The following TMTC1 variants were observed in gnomAD, a reference collection of about 807,000 sequenced individuals.
TMTC1 encodes the protein protein O-mannosyl-transferase TMTC1.
In TMTC1, 73 loss-of-function variants were observed where a neutral mutation model predicts 104.8. That is an observed-to-expected ratio of 0.70 (90% confidence interval 0.58 to 0.85). TMTC1 has a LOEUF of 0.85. TMTC1 is among the 40% of genes least tolerant of loss of function. The pLI is 0.00. For synonymous variants in TMTC1, 434 were observed against 428.7 expected (o/e 1.01, Z -0.15); for missense variants, 1,035 against 1,096.1 (o/e 0.94, Z 0.79).
intron 5 of TMTC1, chr12:29,661,220 A>G (rs887131053): frequency 7.1e-6 from 2 of 280,800 alleles, no homozygotes; most frequent in East Asian, 1.7e-4. Flanking sequence ...AAATATTACT[A>G]TCCCATCGAA....
intron 5 of TMTC1, among the ~76,000 whole-genome samples, chr12:29,676,215 C>G (rs1010476557): frequency 1.3e-5 from 2 of 152,140 alleles, no homozygotes; most frequent in African/African-American, 4.8e-5. Context: ...TGTCAGATAT[C>G]CATTTTAATT....
intron 7 of TMTC1, among the ~76,000 whole-genome samples, chr12:29,597,583 C>T (rs1946444809): frequency 6.6e-6 from 1 of 151,264 alleles, no homozygotes; most frequent in Non-Finnish European, 1.5e-5. Context: ...ACTGGCCCAT[C>T]CTACTGAATC....
At chr12:29,648,143 G>A (rs965452837) in intron 5 of TMTC1, among the ~76,000 whole-genome samples, 4 of 152,152 alleles carry the variant, frequency 2.6e-5, no homozygotes, top group African/African-American at 4.8e-5. Flanking sequence ...GACAGGACAG[G>A]TTACACATAA....
intron 11 of TMTC1, among the ~76,000 whole-genome samples, chr12:29,522,554 ATGTG>A (rs4034168): frequency 0.047 from 6,959 of 148,764 alleles, 228 homozygotes; most frequent in African/African-American, 0.096. Flanking sequence ...AGGACTGACA[ATGTG>A]TGTGTGTGTG....
At chr12:29,597,761 G>T (rs752014835) in intron 7 of TMTC1, among the ~76,000 whole-genome samples, 2 of 152,230 alleles carry the variant, frequency 1.3e-5, no homozygotes, top group Non-Finnish European at 2.9e-5. Flanking sequence ...TAACAGAGGG[G>T]TTATAAAAAT....
At chr12:29,722,365 G>A (rs1038898692) in intron 5 of TMTC1, among the ~76,000 whole-genome samples, 1 of 152,098 alleles carries the variant, frequency 6.6e-6, no homozygotes, top group African/African-American at 2.4e-5. Context: ...CTAAACACAT[G>A]TTAAAGATTT....
chr12:29,502,697 G>T lies in TMTC1; in HGVS notation c.*4149C>A, dbSNP rs1484412798. The T allele has an allele frequency of 6.6e-6, 1 of 152,116 alleles. No homozygotes were observed. Among genetic ancestry groups the T allele is most frequent in the Non-Finnish European group, 1.5e-5 (1 of 68,024 alleles). 9.4% of individuals were successfully genotyped at this position (152,116 alleles called of 1,614,324 possible). On this transcript the variant is annotated 3_prime_UTR_variant, in exon 18 of 18. Transcript: ENST00000539277. ...GTTAAGACTTCTTTGGCTCATTTTA[G>T]TATAGACTTAAAAGTAAAAATTGCA...
intron 6 of TMTC1, among the ~76,000 whole-genome samples, chr12:29,623,650 T>C (rs551661913): frequency 2.6e-5 from 4 of 152,182 alleles, no homozygotes; most frequent in South Asian, 2.1e-4. Context: ...CTGTCTCTAC[T>C]GAAAATACAA....
At chr12:29,673,931 G>C (rs1016575950) in intron 5 of TMTC1, among the ~76,000 whole-genome samples, 1 of 151,548 alleles carries the variant, frequency 6.6e-6, no homozygotes, top group African/African-American at 2.4e-5. Context: ...GGCTAATTTT[G>C]TATTTCTAGT....
Position 29,520,601 on chromosome 12 carries a change from T to C in TMTC1, c.1888+17A>G, listed in dbSNP as rs565031290. ...TAGCTAATCTCAGCAGTACAGTTTC[T>C]CTTTAATTTCACTTACCAGTATCAA... is the stretch of plus-strand genomic sequence containing the variant. On this transcript the variant is annotated intron_variant, in intron 12 of 17. Coordinates refer to ENST00000539277, the MANE Select transcript of TMTC1 (RefSeq NM_001193451.2). 1.6e-5 allele frequency: 26 copies of C among 1,587,734 alleles called. 1 individual carries two copies. In the South Asian group the frequency reaches 1.8e-4, roughly 11 times the overall value.
At chr12:29,570,110 C>G (rs1322405853) in intron 9 of TMTC1, among the ~76,000 whole-genome samples, 1 of 151,994 alleles carries the variant, frequency 6.6e-6, no homozygotes. Flanking sequence ...TCCTACCAAC[C>G]ATGTAAGTTT....
At chr12:29,781,742 A>G (rs1253124959) in intron 1 of TMTC1, among the ~76,000 whole-genome samples, 2 of 152,188 alleles carry the variant, frequency 1.3e-5, no homozygotes, top group East Asian at 3.8e-4. Context: ...GAGGCAGGAG[A>G]ATTGCTTATG....
chr12:29,758,925 A>G, intron 2 of TMTC1, 148 bp from the exon 3 acceptor site: 1 of 669,402 alleles, frequency 1.5e-6, no homozygotes, highest in East Asian at 3.0e-5. Flanking sequence ...GTTCTGATAT[A>G]TGGCTAAGCA....
chr12:29,751,741 C>T lies in TMTC1; in HGVS notation c.863G>A (p.Cys288Tyr). The change falls in exon 5 of 18, where the codon TGC (cysteine) becomes TAC (tyrosine). Residue 288 changes from cysteine (C) to tyrosine (Y), a missense_variant. Coordinates refer to ENST00000539277, the MANE Select transcript of TMTC1 (RefSeq NM_001193451.2). ...GGGTTCTGGTGGCAGTGGAGAGTGG[C>T]AGCCACCCCAAGCTCCTTTGTGAGG... ...RFPHKGAWGG[C>Y]HSPLPPEPKS... 6.2e-7 allele frequency: 1 copy of T among 1,614,128 alleles called. No individual in the cohort carries two copies. The highest frequency in any genetic ancestry group is 8.5e-7 in the Non-Finnish European group (1 of 1,180,026).
intron 1 of TMTC1, among the ~76,000 whole-genome samples, chr12:29,780,512 G>A (rs1019980505): frequency 6.6e-6 from 1 of 152,180 alleles, no homozygotes; most frequent in Non-Finnish European, 1.5e-5. Context: ...TTAGGCAGTT[G>A]TTATAGATTA....
intron 8 of TMTC1, among the ~76,000 whole-genome samples, chr12:29,578,744 A>T (rs1162826091): frequency 6.6e-6 from 1 of 152,222 alleles, no homozygotes. Context: ...ACAATAGGTC[A>T]GGAGGACCAT....
At chr12:29,536,549 A>G (rs1944649891) in intron 10 of TMTC1, among the ~76,000 whole-genome samples, 1 of 152,176 alleles carries the variant, frequency 6.6e-6, no homozygotes, top group South Asian at 2.1e-4. Flanking sequence ...CAGGTTATCC[A>G]CTTTTTTCTA....
At chr12:29,509,171 C>T (rs969978520) in intron 17 of TMTC1, among the ~76,000 whole-genome samples, 1 of 152,156 alleles carries the variant, frequency 6.6e-6, no homozygotes, top group Non-Finnish European at 1.5e-5. Context: ...CTGGACAGCA[C>T]CATTCTAGAA....
chr12:29,638,299 G>C (rs1938659735), intron 5 of TMTC1, among the ~76,000 whole-genome samples: 1 of 151,994 alleles, frequency 6.6e-6, no homozygotes, highest in Admixed American at 6.6e-5. Context: ...AGAGCACGCC[G>C]ACAGACCCCA....
Sources: gnomAD v4.1 joint callset for allele counts (sites outside exome capture counted in the v4.1 genomes callset) on GRCh38, gnomAD v4.1.1 for gene constraint, MANE v1.5 for transcripts, NCBI Gene and HGNC (gene_info 2026-07-23, HGNC 2026-07-21) for gene names.